The following ZRANB3 variants were observed in gnomAD, a reference collection of about 807,000 sequenced individuals.
ZRANB3 encodes the protein DNA annealing helicase and endonuclease ZRANB3.
In ZRANB3, 125 loss-of-function variants were observed where a neutral mutation model predicts 133.8. The ratio of observed to expected loss-of-function variants is 0.93; its 90% confidence interval spans 0.81 to 1.08. ZRANB3 has a LOEUF of 1.08. ZRANB3 is among the 50% of genes least tolerant of loss of function. The pLI is 0.00. For synonymous variants in ZRANB3, 387 were observed against 432.7 expected (o/e 0.89, Z 1.31); for missense variants, 1,229 against 1,275.5 (o/e 0.96, Z 0.56).
Position 135,315,828 on chromosome 2 carries a change from T to C in ZRANB3, c.678-298A>G, listed in dbSNP as rs1683222377. Among the ~76,000 whole-genome samples the C allele has an allele frequency of 1.3e-5, 2 of 152,100 alleles. 1 individual carries two copies. Among genetic ancestry groups the C allele is most frequent in the South Asian group, 4.1e-4 (2 of 4,820 alleles). ...CTAGGTCACTGTTTGTAAATGGGGG[T>C]GTTATTGGCATTTTGAGTGGGCTCA... is the stretch of plus-strand genomic sequence containing the variant. On this transcript the variant is annotated intron_variant, in intron 6 of 20. Transcript: ENST00000264159.
Position 135,324,746 on chromosome 2 carries a change from G to A in ZRANB3, c.678-9216C>T, listed in dbSNP as rs191977092. Among the ~76,000 whole-genome samples the A allele has an allele frequency of 1.2e-4, 19 of 152,224 alleles. No individual in the cohort carries two copies. The East Asian group carries it at 3.7e-3, about 29-fold the overall frequency. ...CTCCACATCCTCTCCAGCACCTGTT[G>A]TTTCCTGACTTTTTAATGATCGCCA... On this transcript the variant is annotated intron_variant, in intron 6 of 20. Coordinates refer to ENST00000264159, the MANE Select transcript of ZRANB3 (RefSeq NM_032143.4).
chr2:135,514,123 G>A (rs542726572), intron 1 of ZRANB3, among the ~76,000 whole-genome samples: 6 of 152,236 alleles, frequency 3.9e-5, no homozygotes, highest in African/African-American at 1.2e-4. Flanking sequence ...TGGCTATACG[G>A]GCTCTTTTTT....
chr2:135,402,600 T>C (rs1232851934), intron 2 of ZRANB3, among the ~76,000 whole-genome samples: 4 of 151,974 alleles, frequency 2.6e-5, no homozygotes, highest in East Asian at 1.9e-4. Context: ...AGACTTTTTT[T>C]TTTTTAAGAC....
chr2:135,435,932 T>C (rs1689513774), intron 2 of ZRANB3, among the ~76,000 whole-genome samples: 1 of 152,226 alleles, frequency 6.6e-6, no homozygotes, highest in Non-Finnish European at 1.5e-5. Context: ...TCTCATTCTG[T>C]AGATTTTCTC....
chr2:135,204,134 G>A (rs573433847), intron 19 of ZRANB3, among the ~76,000 whole-genome samples: 1 of 152,312 alleles, frequency 6.6e-6, no homozygotes, highest in East Asian at 1.9e-4. Context: ...GGCCCATGAG[G>A]AGTCACAAGA....
intron 12 of ZRANB3, among the ~76,000 whole-genome samples, chr2:135,254,589 A>G (rs1679558263): frequency 6.6e-6 from 1 of 152,128 alleles, no homozygotes; most frequent in Admixed American, 6.5e-5. Flanking sequence ...CTCCAGACTG[A>G]GCAACAGAGT....
intron 2 of ZRANB3, among the ~76,000 whole-genome samples, chr2:135,452,992 TG>T (rs1420353445): frequency 3.9e-5 from 6 of 152,232 alleles, no homozygotes; most frequent in Admixed American, 2.6e-4. Flanking sequence ...AGGTTCTGCA[TG>T]GGGGCCCTGC....
chr2:135,515,225 TAGTACCTC>T (rs895968705), intron 1 of ZRANB3, among the ~76,000 whole-genome samples: 4 of 152,198 alleles, frequency 2.6e-5, no homozygotes, highest in African/African-American at 9.7e-5. Context: ...CAGCTCCTCT[TAGTACCTC>T]TGGTACAAAT....
intron 17 of ZRANB3, among the ~76,000 whole-genome samples, chr2:135,212,289 C>A (rs1694124782): frequency 6.6e-6 from 1 of 152,308 alleles, no homozygotes; most frequent in Middle Eastern, 3.4e-3. Context: ...CCACCTCCAA[C>A]AATTTCTTCA....
chr2:135,506,624 C>T (rs1426403509), intron 1 of ZRANB3, among the ~76,000 whole-genome samples: 2 of 152,164 alleles, frequency 1.3e-5, no homozygotes, highest in Admixed American at 1.3e-4. Flanking sequence ...CCATGTTTCA[C>T]GGGCTCAACA....
intron 2 of ZRANB3, among the ~76,000 whole-genome samples, chr2:135,457,729 T>C (rs963482312): frequency 6.6e-6 from 1 of 152,060 alleles, no homozygotes; most frequent in Non-Finnish European, 1.5e-5. Context: ...TTATTGATGA[T>C]GCCCGTCTAT....
At chr2:135,274,090 A>G (rs969444647) in intron 9 of ZRANB3, among the ~76,000 whole-genome samples, 2 of 152,212 alleles carry the variant, frequency 1.3e-5, no homozygotes, top group African/African-American at 4.8e-5. Flanking sequence ...CTTTTAATGT[A>G]TAGCACTTTA....
At chr2:135,391,265 G>C (rs1436873513) in intron 2 of ZRANB3, among the ~76,000 whole-genome samples, 2 of 152,138 alleles carry the variant, frequency 1.3e-5, no homozygotes, top group Non-Finnish European at 2.9e-5. Flanking sequence ...GAGAACATGG[G>C]CCAGTGCTGA....
chr2:135,318,647 C>T (rs1039055264), intron 6 of ZRANB3, among the ~76,000 whole-genome samples: 7 of 152,206 alleles, frequency 4.6e-5, no homozygotes, highest in East Asian at 1.9e-4. Context: ...TGCTTAACTT[C>T]GGGGTCATAG....
intron 3 of ZRANB3, among the ~76,000 whole-genome samples, chr2:135,365,264 C>T (rs886142867): frequency 1.3e-5 from 2 of 151,980 alleles, no homozygotes; most frequent in African/African-American, 4.8e-5. Context: ...AAGATTCTGT[C>T]TCAAAAAACA....
intron 8 of ZRANB3, among the ~76,000 whole-genome samples, chr2:135,311,791 G>A (rs1682990128): frequency 6.6e-6 from 1 of 152,052 alleles, no homozygotes; most frequent in East Asian, 1.9e-4. Context: ...ATACATTGGA[G>A]GATGTAAGGA....
At chr2:135,392,635 G>A (rs1242348959) in intron 2 of ZRANB3, among the ~76,000 whole-genome samples, 1 of 151,940 alleles carries the variant, frequency 6.6e-6, no homozygotes, top group Non-Finnish European at 1.5e-5. Context: ...TGTAGTCCCA[G>A]GTACTTGGGA....
At chr2:135,226,871 AG>A (rs1182295129) in intron 14 of ZRANB3, among the ~76,000 whole-genome samples, 1 of 152,222 alleles carries the variant, frequency 6.6e-6, no homozygotes, top group Non-Finnish European at 1.5e-5. Context: ...TCTACTTAAA[AG>A]CTGTTAAAAT....
At chr2:135,428,574 A>C (rs1689191708) in intron 2 of ZRANB3, among the ~76,000 whole-genome samples, 1 of 152,216 alleles carries the variant, frequency 6.6e-6, no homozygotes, top group South Asian at 2.1e-4. Flanking sequence ...AACTTACAGA[A>C]TTTTGGGAGA....
Sources: allele counts gnomAD v4.1 joint callset (sites outside exome capture counted in the v4.1 genomes callset), GRCh38; gene constraint gnomAD v4.1.1; transcripts MANE v1.5; gene names NCBI Gene and HGNC (gene_info 2026-07-23, HGNC 2026-07-21).